WDR36: variants seen among roughly 807,000 people sequenced by gnomAD.
WDR36 encodes the protein WD repeat-containing protein 36.
In WDR36, 63 loss-of-function variants were observed where a neutral mutation model predicts 112.7. The observed-to-expected ratio is 0.56, with a 90% CI of 0.46 to 0.69. The LOEUF (loss-of-function observed/expected upper bound fraction) is 0.69, where lower values mean the gene tolerates loss of function less well. Among genes scored for constraint, WDR36 ranks in the 30% least tolerant of loss-of-function variants. The pLI is 0.00. For missense variants in WDR36, 1,226 were observed against 1,070.3 expected, an observed-to-expected ratio of 1.15 and a Z score of -2.03; for synonymous variants, 410 against 362.2, an observed-to-expected ratio of 1.13 and a Z score of -1.50.
rs770291966 is a variant in WDR36, at chr5:111,121,107, G to A, written c.2114G>A (p.Arg705Gln). The change falls in exon 19 of 23, where the codon CGA becomes CAA. Residue 705 changes from arginine (R) to glutamine (Q), a missense_variant. Transcript: ENST00000513710. ...ACTCTTTCACTTCTTCCTGAATCAC[G>A]ATGGAAAAACCTTCTTAACCTTGAT... is the stretch of plus-strand genomic sequence containing the variant. ...LVTLSLLPESRWKNLLNLDVI... is the reference protein window; with the variant it reads ...LVTLSLLPESQWKNLLNLDVI... 9 of 1,613,414 alleles carry A rather than the reference G, an allele frequency of 5.6e-6. No homozygotes were observed. Among genetic ancestry groups the A allele is most frequent in the Non-Finnish European group, 6.8e-6 (8 of 1,179,662 alleles).
In WDR36 at chr5:111,123,881, T is replaced by G. The variant is rs1198670037; in HGVS notation, c.2225T>G (p.Val742Gly). Residue 742 changes from valine (V) to glycine (G), a missense_variant, in exon 20 of 23, where the codon GTA becomes GGA. Val to Gly is a moderately radical substitution (Grantham distance 109, BLOSUM62 -3). Transcript: ENST00000513710. ...TTCATTCCAACAATTCCTGGCCTTG[T>G]ACCCAGATATGCTGCACCTGAACAA... is the stretch of plus-strand genomic sequence containing the variant. ...PFFIPTIPGL[V>G]PRYAAPEQNN... is the part of the protein sequence containing the mutation. 1.2e-6 allele frequency: 2 copies of G among 1,613,924 alleles called. No homozygotes were observed. The highest frequency in any genetic ancestry group is 1.7e-6 in the Non-Finnish European group (2 of 1,179,924).
intron 17 of WDR36, among the ~76,000 whole-genome samples, chr5:111,119,458 G>A (rs141574420): frequency 5.9e-5 from 9 of 152,236 alleles, no homozygotes; most frequent in East Asian, 3.9e-4. Flanking sequence ...ACTACTTTAC[G>A]ACCTTGGCCA....
chr5:111,111,378 A>C (rs1461001680), intron 15 of WDR36, 100 bp downstream of exon 15: 6 of 960,186 alleles, frequency 6.2e-6, no homozygotes, highest in African/African-American at 1.6e-5. Context: ...GGTGGTTATC[A>C]ATTTTAATTT....
rs374061439 is a variant in WDR36, at chr5:111,113,086, G to A, written c.1729G>A (p.Asp577Asn). The A allele has an allele frequency of 1.4e-6, 2 of 1,449,854 alleles. No homozygotes were observed. The highest frequency in any genetic ancestry group is 2.5e-5 in the East Asian group (1 of 39,642). The allele number at this position is 1,449,854 out of a possible 1,614,324, so 89.8% of individuals were successfully genotyped here. A position where few individuals can be genotyped will look rare whatever the true frequency, so the allele number is the denominator to read the frequency against. Residue 577 changes from aspartate (D) to asparagine (N), a missense_variant, in exon 16 of 23, where the codon GAT (aspartate) becomes AAT (asparagine). Transcript: ENST00000513710. ...GQINDMAFSPDGRWLISAAMD... is the reference protein window; with the variant it reads ...GQINDMAFSPNGRWLISAAMD... Reference sequence around the variant, plus strand: ...TTTTAATTTAAAGGCTTTTAGTCCTGATGGTCGTTGGTTAATAAGTGCTGC... The same window carrying A: ...TTTTAATTTAAAGGCTTTTAGTCCTAATGGTCGTTGGTTAATAAGTGCTGC...
At chr5:111,114,065 G>A (rs932454749) in intron 16 of WDR36, among the ~76,000 whole-genome samples, 4 of 152,142 alleles carry the variant, frequency 2.6e-5, no homozygotes, top group African/African-American at 9.6e-5. Flanking sequence ...CGTAACAAAT[G>A]TTCAGAAATC....
rs770291966 is a variant in WDR36 at position 111,121,107 on chromosome 5, G to C, written c.2114G>C (p.Arg705Pro). Residue 705 changes from arginine to proline, a missense_variant, in exon 19 of 23, where the codon CGA (arginine) becomes CCA (proline). Arg to Pro is a moderately radical substitution (Grantham distance 103). Coordinates refer to ENST00000513710, the MANE Select transcript of WDR36 (RefSeq NM_139281.3). ...LVTLSLLPES[R>P]WKNLLNLDVI... is the part of the protein sequence containing the mutation. ...ACTCTTTCACTTCTTCCTGAATCAC[G>C]ATGGAAAAACCTTCTTAACCTTGAT... 1 of 1,613,532 alleles carries C rather than the reference G, an allele frequency of 6.2e-7. No homozygotes were observed. The highest frequency in any genetic ancestry group is 1.3e-5 in the African/African-American group (1 of 74,984).
rs1753554989 is a variant in WDR36 at position 111,121,040 on chromosome 5, A to T, written c.2047A>T (p.Ile683Leu). ...AACAGTAGAACCAAGTGATGAATTG[A>T]TAGAATATGATTCGCCAGAACAGTT... Reference protein sequence around the residue: ...EETVEPSDELIEYDSPEQLNE... With the variant: ...EETVEPSDELLEYDSPEQLNE... Residue 683 changes from isoleucine to leucine, a missense_variant, in exon 19 of 23, where the codon ATA (isoleucine) becomes TTA (leucine). Ile to Leu is a conservative substitution (Grantham distance 5). Coordinates refer to ENST00000513710, the MANE Select transcript of WDR36 (RefSeq NM_139281.3). The T allele has an allele frequency of 2.5e-6, 4 of 1,613,458 alleles. No individual in the cohort carries two copies. Among genetic ancestry groups the T allele is most frequent in the Non-Finnish European group, 2.5e-6 (3 of 1,179,638 alleles).
intron 10 of WDR36, among the ~76,000 whole-genome samples, chr5:111,105,800 A>T (rs552310368): frequency 2.6e-5 from 4 of 151,574 alleles, no homozygotes; most frequent in Non-Finnish European, 5.9e-5. Context: ...ACTTGGTTTT[A>T]TGATTACTAA....
chr5:111,123,722 G>C, intron 19 of WDR36, 83 bp from the exon 20 acceptor site: 1 of 1,545,938 alleles, frequency 6.5e-7, no homozygotes, highest in Non-Finnish European at 8.8e-7. Flanking sequence ...TTTGGTATTT[G>C]TTTTAAAATT....
At chr5:111,098,315 C>T (rs1753037306) in intron 3 of WDR36, among the ~76,000 whole-genome samples, 1 of 152,052 alleles carries the variant, frequency 6.6e-6, no homozygotes, top group African/African-American at 2.4e-5. Context: ...TCCCCCTTTC[C>T]CATCTCATCT....
chr5:111,103,987 T>G, intron 7 of WDR36, 69 bp downstream of exon 7: 12 of 1,584,680 alleles, frequency 7.6e-6, no homozygotes, highest in Non-Finnish European at 1.0e-5. Flanking sequence ...AAGTCAATTT[T>G]TTTTGTCTTC....
chr5:111,124,184 A>C lies in WDR36; in HGVS notation c.2345A>C (p.Asn782Thr). 6.2e-7 allele frequency: 1 copy of C among 1,610,452 alleles called. No homozygotes were observed. Among genetic ancestry groups the C allele is most frequent in the Non-Finnish European group, 8.5e-7 (1 of 1,177,834 alleles). Residue 782 changes from asparagine to threonine, a missense_variant, in exon 21 of 23, where the codon AAT becomes ACT. By Grantham distance (65) the Asn-to-Thr change is moderately conservative. Transcript: ENST00000513710. ...AAACTTGAAGAAGGACTGGTAAATA[A>C]TAAGTGTAAGTTGAATTATAAGATA... ...CLKLEEGLVN[N>T]KYDTALNLLK...
intron 2 of WDR36, 139 bp downstream of exon 2, chr5:111,095,086 A>T (rs1321659579): frequency 2.7e-6 from 2 of 750,658 alleles, no homozygotes; most frequent in African/African-American, 1.8e-5. Flanking sequence ...GCAACAAAAA[A>T]GGGTGCCAGG....
At chr5:111,124,054 A>AT in intron 20 of WDR36, 54 bp from the exon 21 acceptor site, 2 of 1,602,816 alleles carry the variant, frequency 1.2e-6, no homozygotes, top group Non-Finnish European at 1.7e-6. Flanking sequence ...CAAACTATAC[A>AT]TTTTTGGGTG....
chr5:111,119,701 A>C (rs924278323), intron 17 of WDR36, among the ~76,000 whole-genome samples: 2 of 152,158 alleles, frequency 1.3e-5, no homozygotes, highest in Non-Finnish European at 2.9e-5. Context: ...GGGTAAAAGA[A>C]AAAATTGATT....
At chr5:111,115,506 A>T (rs532758458) in intron 16 of WDR36, among the ~76,000 whole-genome samples, 1 of 152,310 alleles carries the variant, frequency 6.6e-6, no homozygotes, top group South Asian at 2.1e-4. Context: ...CAGGAGAAAG[A>T]AATAGCTTTC....
At position 111,098,636 on chromosome 5, in the gene WDR36, G is replaced by A; in HGVS notation, c.292-86G>A. 5 of 914,682 alleles carry A rather than the reference G, an allele frequency of 5.5e-6. 1 individual carries two copies. In the South Asian group the frequency reaches 6.6e-5, roughly 12 times the overall value. 56.7% of individuals were successfully genotyped at this position (914,682 alleles called of 1,614,324 possible). A position where few individuals can be genotyped will look rare whatever the true frequency, so the allele number is the denominator to read the frequency against. ...ACATTTCTTAACAGAAGCATCTCAG[G>A]ATTAGCATGTTTTTGGGATAATATG... is the stretch of plus-strand genomic sequence containing the variant. On this transcript the variant is annotated intron_variant, in intron 3 of 22. Transcript: ENST00000513710.
chr5:111,120,355 C>A, intron 17 of WDR36, 141 bp from the exon 18 acceptor site: 1 of 670,658 alleles, frequency 1.5e-6, no homozygotes. Flanking sequence ...TAAGTCAAGG[C>A]GTTTTTAAAT....
At position 111,113,052 on chromosome 5, in the gene WDR36, A is replaced by ATATATATATATATATTT. The variant is rs35527062; in HGVS notation, c.1717-21_1717-20insATATATATATATATTTT. 1.8e-5 allele frequency: 8 copies of ATATATATATATATATTT among 455,776 alleles called. No individual in the cohort carries two copies. In the African/African-American group the frequency reaches 2.1e-4, roughly 12 times the overall value. 28.2% of individuals were successfully genotyped at this position (455,776 alleles called of 1,614,324 possible). A position where few individuals can be genotyped will look rare whatever the true frequency, so the allele number is the denominator to read the frequency against. On this transcript the variant is annotated intron_variant, in intron 15 of 22. Coordinates refer to ENST00000513710, the MANE Select transcript of WDR36 (RefSeq NM_139281.3). ...ATATAAATAATATATATATATATAT[A>ATATATATATATATATTT]TTTTTTTTTTTTAATTTAAAGGCTT...
Sources: allele counts gnomAD v4.1 joint callset (sites outside exome capture counted in the v4.1 genomes callset), GRCh38; gene constraint gnomAD v4.1.1; transcripts MANE v1.5; gene names NCBI Gene and HGNC (gene_info 2026-07-23, HGNC 2026-07-21).